MTRF1: variants seen among roughly 807,000 people sequenced by gnomAD.
The protein encoded by MTRF1 is peptide chain release factor 1, mitochondrial.
MTRF1 carries 51 observed loss-of-function variants against 62.9 expected under a neutral mutation model. The ratio of observed to expected loss-of-function variants is 0.81; its 90% confidence interval spans 0.65 to 1.02. The LOEUF (loss-of-function observed/expected upper bound fraction) is 1.02, where lower values mean the gene tolerates loss of function less well. Among genes scored for constraint, MTRF1 ranks in the 50% least tolerant of loss-of-function variants. The pLI, the probability that MTRF1 is intolerant of heterozygous loss-of-function variation, is 0.00. For synonymous variants in MTRF1, 158 were observed against 181.9 expected, an observed-to-expected ratio of 0.87 and a Z score of 1.06; for missense variants, 446 against 530.0, an observed-to-expected ratio of 0.84 and a Z score of 1.56.
At chr13:41,269,692 A>G in the MTRF1 span, among the ~76,000 whole-genome samples, 1 of 152,066 alleles carries the variant, frequency 6.6e-6, no homozygotes, top group Non-Finnish European at 1.5e-5. Context: ...GTTTTTCTAC[A>G]TTTATCCCAT....
chr13:41,286,555 C>A, the MTRF1 span, among the ~76,000 whole-genome samples: 14 of 152,226 alleles, frequency 9.2e-5, no homozygotes, highest in Non-Finnish European at 1.6e-4. Flanking sequence ...ATTGTTTTAC[C>A]CATGACATTT....
At chr13:41,288,455 C>T in the MTRF1 span, 1 of 167,788 alleles carries the variant, frequency 6.0e-6, no homozygotes, top group Non-Finnish European at 1.3e-5. Flanking sequence ...CATGCCACCT[C>T]ACCCTTAGCC....
chr13:41,273,954 A>G, the MTRF1 span, among the ~76,000 whole-genome samples: 1 of 152,248 alleles, frequency 6.6e-6, no homozygotes, highest in Non-Finnish European at 1.5e-5. Flanking sequence ...ATAGGTAGAT[A>G]AAAGACAAAT....
At chr13:41,218,318 T>C (rs1168554420) in intron 9 of MTRF1, among the ~76,000 whole-genome samples, 1 of 135,344 alleles carries the variant, frequency 7.4e-6, no homozygotes, top group Non-Finnish European at 1.6e-5. Context: ...TTTGTAGAGA[T>C]AGGATTTTGC....
chr13:41,306,024 A>T, the MTRF1 span, among the ~76,000 whole-genome samples: 1 of 152,338 alleles, frequency 6.6e-6, no homozygotes, highest in Middle Eastern at 3.4e-3. Context: ...ATAAAATTTG[A>T]GGAAAAGCAA....
chr13:41,228,772 G>C lies in MTRF1; in HGVS notation c.989-2204C>G, dbSNP rs115427436. 8.8e-4 allele frequency among the ~76,000 whole-genome samples: 134 copies of C among 152,242 alleles called. 1 individual carries two copies. The highest frequency in any genetic ancestry group is 3.0e-3 in the African/African-American group (125 of 41,534). ...CCTATGAATAACTCTTCCAATGGTGGAAAATGAAATTATCTAGAAGCAGTG... is the reference window on the plus strand; with the variant it reads ...CCTATGAATAACTCTTCCAATGGTGCAAAATGAAATTATCTAGAAGCAGTG... On this transcript the variant is annotated intron_variant, in intron 7 of 9. Coordinates refer to ENST00000379480, the MANE Select transcript of MTRF1 (RefSeq NM_004294.4).
At chr13:41,243,990 T>C (rs1006230844) in intron 5 of MTRF1, among the ~76,000 whole-genome samples, 21 of 152,228 alleles carry the variant, frequency 1.4e-4, no homozygotes, top group African/African-American at 4.6e-4. Context: ...AACAAATTTA[T>C]TCCCCTTAGC....
At chr13:41,264,743 G>C (rs78107608), upstream of MTRF1, among the ~76,000 whole-genome samples, 516 of 152,282 alleles carry the variant, frequency 3.4e-3, 4 homozygotes, top group East Asian at 0.017. Flanking sequence ...GGCACACAGA[G>C]CTAAAGTAAC....
At chr13:41,225,841 A>G (rs2034326652) in intron 8 of MTRF1, among the ~76,000 whole-genome samples, 1 of 151,394 alleles carries the variant, frequency 6.6e-6, no homozygotes, top group Admixed American at 6.6e-5. Flanking sequence ...TTTAAATTAT[A>G]TATTAGGTTT....
chr13:41,264,256 G>A (rs2040760749), upstream of MTRF1, among the ~76,000 whole-genome samples: 1 of 152,124 alleles, frequency 6.6e-6, no homozygotes, highest in African/African-American at 2.4e-5. Context: ...TTAGGAGACC[G>A]TGTATTTCCA....
chr13:41,311,312 G>C, the MTRF1 span: 32 of 551,506 alleles, frequency 5.8e-5, no homozygotes, highest in Non-Finnish European at 9.2e-5. Context: ...AAAAAGCGGA[G>C]CCCAGGGGAA....
chr13:41,279,357 A>G, the MTRF1 span, among the ~76,000 whole-genome samples: 4 of 152,242 alleles, frequency 2.6e-5, no homozygotes, highest in Admixed American at 6.5e-5. Context: ...TGGAGGCATC[A>G]TCTGCATGAT....
At chr13:41,280,057 C>T in the MTRF1 span, among the ~76,000 whole-genome samples, 3 of 152,162 alleles carry the variant, frequency 2.0e-5, no homozygotes, top group African/African-American at 7.2e-5. Flanking sequence ...CCTGCCTCAG[C>T]CTCCCAAGTA....
Position 41,218,504 on chromosome 13 carries a change from A to T in MTRF1, c.1225-1276T>A, listed in dbSNP as rs138729156. ...AAAAAAAATTTTCATGTTTACCACT[A>T]AATAACTCCACTGGGTGAAAACTGT... On this transcript the variant is annotated intron_variant, in intron 9 of 9. Transcript: ENST00000379480. 9.4e-3 allele frequency among the ~76,000 whole-genome samples: 1,429 copies of T among 152,264 alleles called. 20 individuals carry two copies. Among genetic ancestry groups the T allele is most frequent in the African/African-American group, 0.032 (1,349 of 41,550 alleles).
At chr13:41,253,302 G>T (rs1681072666) in intron 3 of MTRF1, among the ~76,000 whole-genome samples, 1 of 152,216 alleles carries the variant, frequency 6.6e-6, no homozygotes, top group South Asian at 2.1e-4. Context: ...TCAGATCAAA[G>T]TCCAGGGTGT....
Position 41,237,218 on chromosome 13 carries a change from CA to C in MTRF1, c.870+3042del, listed in dbSNP as rs11412273. Among the ~76,000 whole-genome samples, 455 of 63,850 alleles carry C rather than the reference CA, an allele frequency of 7.1e-3. 1 individual carries two copies. The East Asian group carries it at 0.078, about 11-fold the overall frequency. The allele number at this position is 63,850 out of a possible 152,430, so 41.9% of individuals were successfully genotyped here. The stretch of plus-strand genomic sequence containing the variant: ...TGGGTGACAGAGTGAGAATCTGTCT[CA>C]AAAAAAAAAAAAAAAAAAAAGAATA... On this transcript the variant is annotated intron_variant, in intron 6 of 9. Coordinates refer to ENST00000379480, the MANE Select transcript of MTRF1 (RefSeq NM_004294.4).
the MTRF1 span, among the ~76,000 whole-genome samples, chr13:41,279,969 G>C: frequency 6.6e-6 from 1 of 152,058 alleles, no homozygotes; most frequent in Non-Finnish European, 1.5e-5. Context: ...ACAGAGTTTT[G>C]CTCTGTTGCC....
chr13:41,282,257 T>C, the MTRF1 span, among the ~76,000 whole-genome samples: 23 of 152,168 alleles, frequency 1.5e-4, no homozygotes, highest in Middle Eastern at 6.8e-3. Flanking sequence ...AAAGCAATGA[T>C]TCAGCCTGGG....
the MTRF1 span, among the ~76,000 whole-genome samples, chr13:41,283,285 C>T: frequency 6.6e-6 from 1 of 152,156 alleles, no homozygotes; most frequent in Non-Finnish European, 1.5e-5. Context: ...CATGGAACTC[C>T]TCTGGGCGCT....
Sources: gnomAD v4.1 joint callset for allele counts (sites outside exome capture counted in the v4.1 genomes callset) on GRCh38, gnomAD v4.1.1 for gene constraint, MANE v1.5 for transcripts, NCBI Gene and HGNC (gene_info 2026-07-23, HGNC 2026-07-21) for gene names.